Variants in ALK observed in about 807,000 individuals in gnomAD.
ALK encodes the protein ALK receptor tyrosine kinase.
Under a neutral mutation model 163.1 loss-of-function variants are expected in ALK, and 74 were observed. That is an observed-to-expected ratio of 0.45 (90% CI 0.38 to 0.55). The LOEUF is 0.55. ALK is among the 20% of genes least tolerant of loss of function. The probability of loss-of-function intolerance (pLI) is 0.00; values close to 1 mark genes in which losing one functional copy is unlikely to be tolerated. For missense variants in ALK, 2,063 were observed against 2,105.3 expected, an observed-to-expected ratio of 0.98 and a Z score of 0.39; for synonymous variants, 960 against 843.2, an observed-to-expected ratio of 1.14 and a Z score of -2.40.
At chr2:29,563,198 C>A (rs1485244067) in intron 3 of ALK, among the ~76,000 whole-genome samples, 3 of 152,134 alleles carry the variant, frequency 2.0e-5, no homozygotes, top group Non-Finnish European at 2.9e-5. Context: ...ATTGAATACT[C>A]ATAATCTGTG....
chr2:29,505,431 G>T (rs751555622), intron 4 of ALK, among the ~76,000 whole-genome samples: 1 of 152,188 alleles, frequency 6.6e-6, no homozygotes, highest in Non-Finnish European at 1.5e-5. Context: ...TAAGTACTTG[G>T]CAGGGGCTTC....
At chr2:29,849,624 T>A (rs578038228) in intron 1 of ALK, among the ~76,000 whole-genome samples, 3 of 152,244 alleles carry the variant, frequency 2.0e-5, no homozygotes, top group Non-Finnish European at 4.4e-5. Flanking sequence ...ATTTACCAAG[T>A]GTCCACACCA....
chr2:29,605,538 G>A (rs1402565828), intron 3 of ALK, among the ~76,000 whole-genome samples: 1 of 152,200 alleles, frequency 6.6e-6, no homozygotes. Context: ...AGTCACGAAA[G>A]GTGGGGCCCT....
chr2:29,918,007 C>A (rs1667881596), intron 1 of ALK, among the ~76,000 whole-genome samples: 1 of 152,240 alleles, frequency 6.6e-6, no homozygotes, highest in African/African-American at 2.4e-5. Context: ...CAGCCAATAG[C>A]AGAGAAGCCC....
intron 12 of ALK, among the ~76,000 whole-genome samples, chr2:29,244,350 G>T (rs1023244979): frequency 2.0e-5 from 3 of 152,182 alleles, no homozygotes; most frequent in Admixed American, 6.5e-5. Flanking sequence ...GACACATGAC[G>T]CGTGTGAGTG....
chr2:29,370,570 G>C lies in ALK; in HGVS notation c.1282+13162C>G, dbSNP rs143424906. On this transcript the variant is annotated intron_variant, in intron 5 of 28. Transcript: ENST00000389048. Reference sequence around the variant, plus strand: ...AGGATCAGCTCATAAAAGCAAAAGAGAGTTGAGGCATTCAACCTCTCTGGG... The same window carrying C: ...AGGATCAGCTCATAAAAGCAAAAGACAGTTGAGGCATTCAACCTCTCTGGG... Among the ~76,000 whole-genome samples, 711 of 152,346 alleles carry C rather than the reference G, an allele frequency of 4.7e-3. 8 individuals are homozygous for C. Among genetic ancestry groups the C allele is most frequent in the African/African-American group, 0.016 (685 of 41,584 alleles).
intron 1 of ALK, among the ~76,000 whole-genome samples, chr2:29,718,907 C>CA (rs2148308437): frequency 6.6e-6 from 1 of 152,350 alleles, no homozygotes; most frequent in African/African-American, 2.4e-5. Context: ...GCAGGAGTAG[C>CA]AGAGGCATTT....
At chr2:29,349,002 C>T (rs1035787931) in intron 5 of ALK, among the ~76,000 whole-genome samples, 7 of 152,156 alleles carry the variant, frequency 4.6e-5, no homozygotes, top group East Asian at 1.9e-4. Context: ...GAATGTACAA[C>T]GGGGATAATA....
chr2:29,338,614 G>T (rs1228213917), intron 5 of ALK, among the ~76,000 whole-genome samples: 2 of 152,140 alleles, frequency 1.3e-5, no homozygotes, highest in African/African-American at 2.4e-5. Context: ...CATACCTTTG[G>T]CTGTGCCTTG....
chr2:29,778,446 A>T (rs1229908548), intron 1 of ALK, among the ~76,000 whole-genome samples: 1 of 152,178 alleles, frequency 6.6e-6, no homozygotes, highest in East Asian at 1.9e-4. Flanking sequence ...TGACTTCCCA[A>T]CAGAGCAGGA....
At chr2:29,791,677 T>A (rs1168136580) in intron 1 of ALK, among the ~76,000 whole-genome samples, 1 of 152,156 alleles carries the variant, frequency 6.6e-6, no homozygotes, top group Non-Finnish European at 1.5e-5. Context: ...ACTGCCCAGA[T>A]GATACTGAAG....
intron 1 of ALK, among the ~76,000 whole-genome samples, chr2:29,780,815 T>C (rs1395260141): frequency 6.6e-6 from 1 of 152,240 alleles, no homozygotes; most frequent in East Asian, 1.9e-4. Flanking sequence ...GCTCTGACTT[T>C]ATCATTATAT....
chr2:29,659,282 T>C (rs567876242), intron 3 of ALK, among the ~76,000 whole-genome samples: 21 of 152,244 alleles, frequency 1.4e-4, no homozygotes, highest in East Asian at 9.7e-4. Context: ...GAAATTAGCA[T>C]TGCATTTATA....
chr2:29,671,088 GA>G (rs1021123766), intron 3 of ALK, among the ~76,000 whole-genome samples: 2 of 151,992 alleles, frequency 1.3e-5, no homozygotes, highest in Admixed American at 1.3e-4. Context: ...TCTTTGCATT[GA>G]AAGATCAGTT....
intron 5 of ALK, among the ~76,000 whole-genome samples, chr2:29,356,929 C>G (rs1022788593): frequency 1.3e-5 from 2 of 148,558 alleles, no homozygotes; most frequent in Non-Finnish European, 3.0e-5. Context: ...CCCATCCAGC[C>G]CATGACTGCT....
intron 2 of ALK, among the ~76,000 whole-genome samples, chr2:29,714,551 C>G (rs529853993): frequency 1.3e-5 from 2 of 152,278 alleles, no homozygotes; most frequent in South Asian, 2.1e-4. Context: ...TAGTGGTCAT[C>G]AGGACACCTG....
At chr2:29,836,640 C>T (rs1194300882) in intron 1 of ALK, among the ~76,000 whole-genome samples, 1 of 152,210 alleles carries the variant, frequency 6.6e-6, no homozygotes, top group African/African-American at 2.4e-5. Context: ...ATGGCTACTG[C>T]AGCAAATCAG....
chr2:29,822,341 G>A (rs574322044), intron 1 of ALK, among the ~76,000 whole-genome samples: 30 of 152,346 alleles, frequency 2.0e-4, no homozygotes, highest in South Asian at 8.3e-4. Flanking sequence ...AAGTCCCAGG[G>A]TACTTAGGCA....
chr2:29,597,754 C>T (rs1275554222), intron 3 of ALK, among the ~76,000 whole-genome samples: 2 of 152,212 alleles, frequency 1.3e-5, no homozygotes, highest in African/African-American at 4.8e-5. Flanking sequence ...ACCTTGAAGA[C>T]TCCTGGAGCG....
Sources: allele counts gnomAD v4.1 joint callset (sites outside exome capture counted in the v4.1 genomes callset), GRCh38; gene constraint gnomAD v4.1.1; transcripts MANE v1.5; gene names NCBI Gene and HGNC (gene_info 2026-07-23, HGNC 2026-07-21).